The following NPEPPS variants were observed in gnomAD, a reference collection of about 807,000 sequenced individuals.
NPEPPS encodes the protein puromycin-sensitive aminopeptidase.
A neutral mutation model predicts 115.5 loss-of-function variants in NPEPPS; 14 were observed. The ratio of observed to expected loss-of-function variants is 0.12; its 90% confidence interval spans 0.08 to 0.19. The LOEUF (loss-of-function observed/expected upper bound fraction) is 0.19, where lower values mean the gene tolerates loss of function less well. Among genes scored for constraint, NPEPPS ranks in the 10% least tolerant of loss-of-function variants. The pLI is 1.00. For synonymous variants in NPEPPS, 285 were observed against 390.6 expected, an observed-to-expected ratio of 0.73 and a Z score of 3.19; for missense variants, 523 against 1,110.8, an observed-to-expected ratio of 0.47 and a Z score of 7.52.
At position 47,582,809 on chromosome 17, in the gene NPEPPS, C is replaced by T. The variant is rs1911967455; in HGVS notation, c.608C>T (p.Ser203Leu). 4 of 950,310 alleles carry T rather than the reference C, an allele frequency of 4.2e-6. No homozygotes were observed. In the South Asian group the frequency reaches 5.3e-5, roughly 13 times the overall value. 58.9% of individuals were successfully genotyped at this position (950,310 alleles called of 1,614,324 possible). Residue 203 changes from serine to leucine, a missense_variant, in exon 5 of 23, where the codon TCA becomes TTA. Ser to Leu is a moderately radical substitution (Grantham distance 145). Transcript: ENST00000322157. ...EPAIKATFDI[S>L]LVVPKDRVAL... ...GCTATCAAAGCAACTTTTGATATCT[C>T]ATTGGTTGTTCCTAAAGACAGAGTA...
At chr17:47,555,179 T>G (rs919319869) in intron 2 of NPEPPS, among the ~76,000 whole-genome samples, 15 of 152,184 alleles carry the variant, frequency 9.9e-5, no homozygotes, top group African/African-American at 2.9e-4. Context: ...TTTACTTCCC[T>G]TTAAGGACTA....
At chr17:47,544,892 A>G (rs1215910814) in intron 1 of NPEPPS, among the ~76,000 whole-genome samples, 2 of 148,534 alleles carry the variant, frequency 1.3e-5, no homozygotes, top group Non-Finnish European at 3.0e-5. Flanking sequence ...TTTAGTAGAG[A>G]TGGGGTTACA....
Position 47,596,438 on chromosome 17 carries a change from C to A in NPEPPS, c.1512C>A (p.Pro504=). 6.3e-7 allele frequency: 1 copy of A among 1,587,280 alleles called. No homozygotes were observed. Among genetic ancestry groups the A allele is most frequent in the Non-Finnish European group, 8.6e-7 (1 of 1,165,246 alleles). ...MNTWTKQMGF[P]LIYVEAEQVE... is the part of the protein sequence containing the mutation. ...CCTGGACCAAACAAATGGGATTTCC[C>A]CTCATTTATGTGGAAGCTGAACAGG... Residue 504 remains proline, a synonymous_variant, in exon 13 of 23, where the codon CCC becomes CCA. Coordinates refer to ENST00000322157, the MANE Select transcript of NPEPPS (RefSeq NM_006310.4).
chr17:47,535,112 G>A (rs1258941895), intron 1 of NPEPPS, among the ~76,000 whole-genome samples: 1 of 148,676 alleles, frequency 6.7e-6, no homozygotes, highest in Non-Finnish European at 1.5e-5. Context: ...GCGTGGTGGC[G>A]GGAGCCTGTA....
At chr17:47,583,372 G>C (rs1311523626) in intron 5 of NPEPPS, among the ~76,000 whole-genome samples, 1 of 152,058 alleles carries the variant, frequency 6.6e-6, no homozygotes, top group Non-Finnish European at 1.5e-5. Context: ...ATCGCTTGAG[G>C]TCAGGAGTTG....
intron 1 of NPEPPS, among the ~76,000 whole-genome samples, chr17:47,540,099 T>C (rs554058325): frequency 1.3e-5 from 2 of 152,296 alleles, no homozygotes; most frequent in African/African-American, 4.8e-5. Flanking sequence ...CCCTATCTCA[T>C]AGGAAACTTC....
At chr17:47,592,159 G>T in intron 11 of NPEPPS, 99 bp downstream of exon 11, 1 of 642,572 alleles carries the variant, frequency 1.6e-6, no homozygotes. Flanking sequence ...TTCCCAAATA[G>T]TTTCTGGCTT....
Position 47,546,073 on chromosome 17 carries a change from T to TGTGTGTGTGTGAGAGA in NPEPPS, c.340+81_340+82insTGTGTGTGTGAGAGAG, listed in dbSNP as rs148357525. 3.0e-5 allele frequency: 38 copies of TGTGTGTGTGTGAGAGA among 1,265,690 alleles called. No homozygotes were observed. In the East Asian group the frequency reaches 4.5e-4, roughly 15 times the overall value. 78.4% of individuals were successfully genotyped at this position (1,265,690 alleles called of 1,614,324 possible). On this transcript the variant is annotated intron_variant, in intron 2 of 22. Coordinates refer to ENST00000322157, the MANE Select transcript of NPEPPS (RefSeq NM_006310.4). ...GTGTGTGTGTGTGTGTGTGTGTGTGTGAGAGAGAGAGAGAGAGAGACATTT... is the reference window on the plus strand; with the variant it reads ...GTGTGTGTGTGTGTGTGTGTGTGTGTGTGTGTGTGTGAGAGAGAGAGAGAGAGAGAGAGAGACATTT...
intron 17 of NPEPPS, among the ~76,000 whole-genome samples, chr17:47,609,254 T>C (rs1396525848): frequency 1.3e-5 from 2 of 151,760 alleles, no homozygotes; most frequent in Non-Finnish European, 2.9e-5. Context: ...AGTTAAGGAG[T>C]TGGTTTTAGA....
chr17:47,532,611 A>G (rs1597805061), intron 1 of NPEPPS, among the ~76,000 whole-genome samples: 1 of 146,106 alleles, frequency 6.8e-6, no homozygotes, highest in Non-Finnish European at 1.5e-5. Flanking sequence ...AGATCGCGCC[A>G]CTGCATTCCT....
Position 47,618,419 on chromosome 17 carries a change from C to T in NPEPPS, c.2365C>T (p.Pro789Ser), listed in dbSNP as rs764648796. 6.2e-7 allele frequency: 1 copy of T among 1,613,814 alleles called. No homozygotes were observed. The highest frequency in any genetic ancestry group is 8.5e-7 in the Non-Finnish European group (1 of 1,179,794). ...IERVLGATLL[P>S]DLIQKVLTFA... ...AAGAGTCCTTGGCGCTACTCTTTTG[C>T]CTGACCTGATTCAAAAAGTCCTCAC... Residue 789 changes from proline to serine, a missense_variant, in exon 20 of 23, where the codon CCT becomes TCT. This residue lies in a region of NPEPPS where 372 missense variants were observed against 542.6 expected (regional missense o/e 0.69). Coordinates refer to ENST00000322157, the MANE Select transcript of NPEPPS (RefSeq NM_006310.4).
At chr17:47,585,054 C>T (rs1289939200) in intron 5 of NPEPPS, among the ~76,000 whole-genome samples, 3 of 152,148 alleles carry the variant, frequency 2.0e-5, no homozygotes, top group Non-Finnish European at 4.4e-5. Flanking sequence ...GTCTTGATCT[C>T]CTGACCTTGT....
chr17:47,569,738 C>T (rs1911082053), intron 3 of NPEPPS, among the ~76,000 whole-genome samples: 1 of 152,032 alleles, frequency 6.6e-6, no homozygotes, highest in African/African-American at 2.4e-5. Context: ...CTGCGTCGGC[C>T]TCCCGAGTAG....
chr17:47,611,521 T>TA (rs1913877286), intron 17 of NPEPPS, among the ~76,000 whole-genome samples: 1 of 151,292 alleles, frequency 6.6e-6, no homozygotes, highest in African/African-American at 2.4e-5. Flanking sequence ...AGTAGTGTGA[T>TA]CATAGCTCAC....
chr17:47,569,366 C>T (rs1225932178), intron 2 of NPEPPS, 51 bp from the exon 3 acceptor site: 14 of 1,197,264 alleles, frequency 1.2e-5, no homozygotes, highest in African/African-American at 7.6e-5. Context: ...GTCTTGATTT[C>T]GTCTTGTCAG....
At chr17:47,619,537 A>G (rs1318543585) in intron 21 of NPEPPS, 200 bp from the exon 22 acceptor site, 11 of 560,962 alleles carry the variant, frequency 2.0e-5, no homozygotes, top group Non-Finnish European at 3.5e-5. Context: ...CTGGGCAACA[A>G]GTGTGAAACT....
At chr17:47,533,783 A>C (rs1907996295) in intron 1 of NPEPPS, among the ~76,000 whole-genome samples, 1 of 152,102 alleles carries the variant, frequency 6.6e-6, no homozygotes, top group African/African-American at 2.4e-5. Flanking sequence ...ATTTGATGCA[A>C]GGAAATAAAT....
Position 47,579,383 on chromosome 17 carries a change from A to G in NPEPPS, c.419-7A>G. On this transcript the variant is annotated splice_region_variant and splice_polypyrimidine_tract_variant and intron_variant, in intron 3 of 22. Coordinates refer to ENST00000322157, the MANE Select transcript of NPEPPS (RefSeq NM_006310.4). ...TAAAAGTGTTTTTTATTTATCTTCAATCACAGGTACGGGAACCTTAAAGAT... is the reference window on the plus strand; with the variant it reads ...TAAAAGTGTTTTTTATTTATCTTCAGTCACAGGTACGGGAACCTTAAAGAT... 1.3e-6 allele frequency: 2 copies of G among 1,582,564 alleles called. No individual in the cohort carries two copies. The highest frequency in any genetic ancestry group is 1.9e-5 in the Admixed American group (1 of 51,336).
At chr17:47,544,251 TGGTCTTG>T (rs1909019083) in intron 1 of NPEPPS, among the ~76,000 whole-genome samples, 1 of 152,090 alleles carries the variant, frequency 6.6e-6, no homozygotes, top group Admixed American at 6.6e-5. Flanking sequence ...TCAGCCAGGC[TGGTCTTG>T]AATTCCTGGC....
Sources: allele counts gnomAD v4.1 joint callset (sites outside exome capture counted in the v4.1 genomes callset), GRCh38; gene constraint gnomAD v4.1.1; regional missense constraint gnomAD v4.1.1; transcripts MANE v1.5; gene names NCBI Gene and HGNC (gene_info 2026-07-23, HGNC 2026-07-21).